Variants in ARHGAP18 observed in about 807,000 individuals in gnomAD.
ARHGAP18 encodes the protein rho GTPase-activating protein 18.
ARHGAP18 carries 67 observed loss-of-function variants against 86.2 expected under a neutral mutation model. The ratio of observed to expected loss-of-function variants is 0.78; its 90% confidence interval spans 0.64 to 0.95. ARHGAP18 has a LOEUF of 0.95. Ranked by LOEUF, ARHGAP18 falls within the 40% of genes least tolerant of loss-of-function variation. The pLI is 0.00. For synonymous variants in ARHGAP18, 283 were observed against 280.4 expected (o/e 1.01, Z -0.09); for missense variants, 691 against 780.4 (o/e 0.89, Z 1.37).
chr6:129,650,006 G>A (rs557971955), intron 1 of ARHGAP18, among the ~76,000 whole-genome samples: 8 of 146,946 alleles, frequency 5.4e-5, no homozygotes, highest in Admixed American at 4.2e-4. Context: ...TCCACCTCCC[G>A]GGTTCAAGTT....
At chr6:129,708,330 A>G (rs1199107747) in intron 1 of ARHGAP18, among the ~76,000 whole-genome samples, 1 of 152,184 alleles carries the variant, frequency 6.6e-6, no homozygotes, top group Non-Finnish European at 1.5e-5. Context: ...CACACAGGGC[A>G]CTTGCCGTGT....
chr6:129,641,733 T>C (rs1773468292), intron 2 of ARHGAP18, 83 bp downstream of exon 2: 1 of 1,300,150 alleles, frequency 7.7e-7, no homozygotes. Flanking sequence ...CTTTAATTTT[T>C]TTTTTGTTCT....
chr6:129,699,262 C>G (rs895634779), intron 1 of ARHGAP18, among the ~76,000 whole-genome samples: 3 of 152,140 alleles, frequency 2.0e-5, no homozygotes, highest in Admixed American at 6.5e-5. Flanking sequence ...CAAATGTAGA[C>G]AAGTACATAA....
Position 129,626,105 on chromosome 6 carries a change from C to CACACACACATATAT in ARHGAP18, c.786+3247_786+3248insATATATGTGTGTGT, listed in dbSNP as rs1425322925. On this transcript the variant is annotated intron_variant, in intron 5 of 14. Transcript: ENST00000368149. Reference sequence around the variant, plus strand: ...ACACACACACACACACACACACACACATATATAGAAGAAAAGCCTGGAAAC... The same window carrying CACACACACATATAT: ...ACACACACACACACACACACACACACACACACACATATATATATATAGAAGAAAAGCCTGGAAAC... Among the ~76,000 whole-genome samples the CACACACACATATAT allele has an allele frequency of 2.8e-3, 351 of 124,854 alleles. 1 individual carries two copies. Among genetic ancestry groups the CACACACACATATAT allele is most frequent in the Non-Finnish European group, 4.6e-3 (279 of 61,010 alleles). 81.9% of individuals were successfully genotyped at this position (124,854 alleles called of 152,430 possible). A position where few individuals can be genotyped will look rare whatever the true frequency, so the allele number is the denominator to read the frequency against.
chr6:129,600,433 G>A (rs78854492), intron 11 of ARHGAP18, among the ~76,000 whole-genome samples: 1,730 of 152,216 alleles, frequency 0.011, 28 homozygotes, highest in East Asian at 0.043. Context: ...TGGGAAAATA[G>A]GCAGAAGTAA....
At chr6:129,619,011 G>C (rs1789155479) in intron 5 of ARHGAP18, among the ~76,000 whole-genome samples, 159 bp from the exon 6 acceptor site, 1 of 151,618 alleles carries the variant, frequency 6.6e-6, no homozygotes, top group South Asian at 2.1e-4. Context: ...ATCCTGTCAT[G>C]ATGACGACCC....
rs55681217 is a variant in ARHGAP18, at chr6:129,655,317, CAAAAAAA to C, written c.114-13306_114-13300del. Among the ~76,000 whole-genome samples, 26 of 75,086 alleles carry C rather than the reference CAAAAAAA, an allele frequency of 3.5e-4. No homozygotes were observed. The East Asian group carries it at 8.4e-3, about 24-fold the overall frequency. The allele number at this position is 75,086 out of a possible 152,430, so 49.3% of individuals were successfully genotyped here. On this transcript the variant is annotated intron_variant, in intron 1 of 14. Transcript: ENST00000368149. Reference sequence around the variant, plus strand: ...CTGGGTGACAAGAGCAAAACTCTCTCAAAAAAAAAAAAAAAAAAAAAAAAGAAAAGAA... The same window carrying C: ...CTGGGTGACAAGAGCAAAACTCTCTCAAAAAAAAAAAAAAAAAGAAAAGAA...
intron 4 of ARHGAP18, among the ~76,000 whole-genome samples, chr6:129,630,091 C>T (rs1425000679): frequency 6.6e-6 from 1 of 152,098 alleles, no homozygotes; most frequent in Admixed American, 6.6e-5. Flanking sequence ...CAGGTCAGGA[C>T]GTACCTGGTA....
At chr6:129,706,295 C>T (rs1375576709) in intron 1 of ARHGAP18, among the ~76,000 whole-genome samples, 1 of 152,118 alleles carries the variant, frequency 6.6e-6, no homozygotes, top group Non-Finnish European at 1.5e-5. Context: ...AATATAGCTA[C>T]TCATAAAAAG....
At chr6:129,625,361 GTATATTTAT>G (rs1789370252) in intron 5 of ARHGAP18, among the ~76,000 whole-genome samples, 2 of 51,234 alleles carry the variant, frequency 3.9e-5, no homozygotes, top group African/African-American at 2.2e-4. Flanking sequence ...TATATATTAT[GTATATTTAT>G]ATATATTATA....
chr6:129,627,770 G>A (rs1286256070), intron 5 of ARHGAP18, among the ~76,000 whole-genome samples: 1 of 152,056 alleles, frequency 6.6e-6, no homozygotes, highest in Non-Finnish European at 1.5e-5. Context: ...CCCTTATTTG[G>A]ATCCTGACTC....
intron 14 of ARHGAP18, among the ~76,000 whole-genome samples, chr6:129,579,466 C>G (rs1788243294): frequency 6.6e-6 from 1 of 151,900 alleles, no homozygotes; most frequent in Non-Finnish European, 1.5e-5. Context: ...AATAATTTTA[C>G]CCTTACCATT....
chr6:129,589,280 C>T (rs938698910), intron 12 of ARHGAP18, among the ~76,000 whole-genome samples: 3 of 152,078 alleles, frequency 2.0e-5, no homozygotes, highest in East Asian at 1.9e-4. Context: ...AATGCTTTGC[C>T]GCTTAGAAAT....
chr6:129,687,155 C>G (rs796979012), intron 1 of ARHGAP18, among the ~76,000 whole-genome samples: 18 of 151,798 alleles, frequency 1.2e-4, no homozygotes, highest in African/African-American at 4.1e-4. Context: ...ACAGTTTCAT[C>G]CCTTTGAGAT....
rs762205208 is a variant in ARHGAP18, at chr6:129,629,558, CTTTA to C, written c.617-40_617-37del. On this transcript the variant is annotated intron_variant, in intron 4 of 14. Transcript: ENST00000368149. ...GGGGGGAAAGAACCCAATTCATATG[CTTTA>C]TTTATTTTTTAAAAAAAATTCTAAT... The C allele has an allele frequency of 5.8e-6, 9 of 1,564,018 alleles. No homozygotes were observed. In the South Asian group the frequency reaches 8.4e-5, roughly 15 times the overall value.
At chr6:129,580,306 G>A (rs757718400) in intron 13 of ARHGAP18, among the ~76,000 whole-genome samples, 175 bp from the exon 14 acceptor site, 2 of 152,068 alleles carry the variant, frequency 1.3e-5, no homozygotes, top group African/African-American at 4.8e-5. Context: ...GGTAATAAAA[G>A]TATCACACCT....
At chr6:129,639,273 A>C (rs935129694) in intron 2 of ARHGAP18, among the ~76,000 whole-genome samples, 2 of 152,240 alleles carry the variant, frequency 1.3e-5, no homozygotes, top group Admixed American at 1.3e-4. Flanking sequence ...AAAACACTGA[A>C]AGCAGGAAAT....
chr6:129,707,376 T>G (rs1375952397), intron 1 of ARHGAP18, among the ~76,000 whole-genome samples: 2 of 152,214 alleles, frequency 1.3e-5, no homozygotes, highest in Non-Finnish European at 2.9e-5. Flanking sequence ...AGACAAAATC[T>G]TGTGATAAGA....
intron 1 of ARHGAP18, among the ~76,000 whole-genome samples, chr6:129,702,370 T>C (rs1774726457): frequency 6.6e-6 from 1 of 152,030 alleles, no homozygotes; most frequent in African/African-American, 2.4e-5. Flanking sequence ...TCATCCCCAC[T>C]CTCCTCAAAT....
Sources: allele counts gnomAD v4.1 joint callset (sites outside exome capture counted in the v4.1 genomes callset), GRCh38; gene constraint gnomAD v4.1.1; transcripts MANE v1.5; gene names NCBI Gene and HGNC (gene_info 2026-07-23, HGNC 2026-07-21).